The following CEP44 variants were observed in gnomAD, a reference collection of about 807,000 sequenced individuals.
CEP44 encodes centrosomal protein of 44 kDa.
CEP44 carries 45 observed loss-of-function variants against 46.7 expected under a neutral mutation model. The ratio of observed to expected loss-of-function variants is 0.96; its 90% CI spans 0.76 to 1.24. CEP44 has a LOEUF of 1.24. Among genes scored for constraint, CEP44 ranks in the 50% most tolerant of loss-of-function variants. CEP44 has a pLI of 0.00. For missense variants in CEP44, 475 were observed against 459.7 expected (o/e 1.03, Z -0.30); for synonymous variants, 142 against 146.0 (o/e 0.97, Z 0.20).
In CEP44 at chr4:174,310,844, A is replaced by G; in HGVS notation, c.947A>G (p.Asp316Gly). Residue 316 changes from aspartate to glycine, a missense_variant, in exon 9 of 12, where the codon GAC becomes GGC. Asp to Gly is a moderately conservative substitution (Grantham distance 94). Coordinates refer to ENST00000503780, the MANE Select transcript of CEP44 (RefSeq NM_001040157.3). This position sits in a 1 kb window ranked among gnomAD's most constrained non-coding sequence, Gnocchi z 4.2. ...GACTACGCTTCTTGTAGTGACATGGACCTTCTGAATCCTCGTAAGTTTGTA... is the reference window on the plus strand; with the variant it reads ...GACTACGCTTCTTGTAGTGACATGGGCCTTCTGAATCCTCGTAAGTTTGTA... Reference protein sequence around the residue: ...SEDYASCSDMDLLNPHRKSEV... With the variant: ...SEDYASCSDMGLLNPHRKSEV... The G allele has an allele frequency of 4.7e-6, 7 of 1,491,878 alleles. No individual in the cohort carries two copies. Among genetic ancestry groups the G allele is most frequent in the Non-Finnish European group, 6.5e-6 (7 of 1,082,062 alleles). The allele number at this position is 1,491,878 out of a possible 1,614,324, so 92.4% of individuals were successfully genotyped here. A position where few individuals can be genotyped will look rare whatever the true frequency, so the allele number is the denominator to read the frequency against.
At position 174,308,705 on chromosome 4, in the gene CEP44, T is replaced by C. The variant is rs73867207; in HGVS notation, c.524T>C (p.Ile175Thr). 2.9e-4 allele frequency: 465 copies of C among 1,605,226 alleles called. 2 individuals carry two copies. In the African/African-American group the frequency reaches 5.8e-3, roughly 20 times the overall value. ...TCTATGCAGAAGAAAGCTGTGGTGA[T>C]TCGTCACTTGTATAATGAAGATAAT... ...MTSGKKKAVV[I>T]RHLYNEDNVD... Residue 175 changes from isoleucine to threonine, a missense_variant, in exon 7 of 12, where the codon ATT (isoleucine) becomes ACT (threonine). Transcript: ENST00000503780.
At chr4:174,316,437 A>G (rs970233503) in intron 10 of CEP44, 93 bp from the exon 11 acceptor site, 39 of 1,354,484 alleles carry the variant, frequency 2.9e-5, no homozygotes, top group Admixed American at 2.1e-4. Flanking sequence ...ACTTAATGCA[A>G]TGTTTCAAAC....
Position 174,288,412 on chromosome 4 carries a change from T to C in CEP44, c.-148+4469T>C, listed in dbSNP as rs922666326. Among the ~76,000 whole-genome samples, 4 of 152,148 alleles carry C rather than the reference T, an allele frequency of 2.6e-5. No homozygotes were observed. The highest frequency in any genetic ancestry group is 1.3e-4 in the Admixed American group (2 of 15,272). On this transcript the variant is annotated intron_variant, in intron 1 of 11. Transcript: ENST00000503780. This position sits in a 1 kb window ranked among gnomAD's most constrained non-coding sequence, Gnocchi z 4.6. The stretch of plus-strand genomic sequence containing the variant: ...TGCCTAACTGAAACTTTGTACCCTT[T>C]GAACAACAGCTTCCCATTTTGTTCT...
rs1291054879 is a variant in CEP44 at position 174,297,185 on chromosome 4, A to T, written c.-147-781A>T. Reference sequence around the variant, plus strand: ...AATCTCTGGCTCATTTTACATTCTCACAAGCTTAATATTTTTTATATCCTT... The same window carrying T: ...AATCTCTGGCTCATTTTACATTCTCTCAAGCTTAATATTTTTTATATCCTT... On this transcript the variant is annotated intron_variant, in intron 1 of 11. Coordinates refer to ENST00000503780, the MANE Select transcript of CEP44 (RefSeq NM_001040157.3). This position sits in a 1 kb window ranked among gnomAD's most constrained non-coding sequence, Gnocchi z 4.3. 6.6e-6 allele frequency among the ~76,000 whole-genome samples: 1 copy of T among 151,930 alleles called. No individual in the cohort carries two copies. The highest frequency in any genetic ancestry group is 2.4e-5 in the African/African-American group (1 of 41,360).
intron 1 of CEP44, 77 bp downstream of exon 1, chr4:174,284,020 G>A (rs1226403184): frequency 2.5e-6 from 1 of 399,762 alleles, no homozygotes. Flanking sequence ...CAGGCGCCTG[G>A]CTGTAGCGAC....
intron 9 of CEP44, 147 bp from the exon 10 acceptor site, chr4:174,316,019 C>A: frequency 1.1e-6 from 1 of 901,584 alleles, no homozygotes; most frequent in Non-Finnish European, 1.6e-6. Context: ...AAGCTGTTAC[C>A]TTAAGAGTAC....
At position 174,297,651 on chromosome 4, in the gene CEP44, AGTGTGT is replaced by A. The variant is rs70947423; in HGVS notation, c.-147-286_-147-281del. Among the ~76,000 whole-genome samples, 38,007 of 148,982 alleles carry A rather than the reference AGTGTGT, an allele frequency of 0.26. 5,519 individuals carry two copies. Among genetic ancestry groups the A allele is most frequent in the Non-Finnish European group, 0.34 (23,059 of 67,172 alleles). ...CTGAGATATAGGAAGAAACTTTATT[AGTGTGT>A]GTGTGTGTGTGTGTGTGTGTGTGTG... On this transcript the variant is annotated intron_variant, in intron 1 of 11. Coordinates refer to ENST00000503780, the MANE Select transcript of CEP44 (RefSeq NM_001040157.3). The surrounding 1 kb of genome is among the most constrained non-coding windows in gnomAD (Gnocchi z 4.3).
rs2126639290 is a variant in CEP44 at position 174,310,815 on chromosome 4, T to C, written c.918T>C (p.Ser306=). 6.6e-7 allele frequency: 1 copy of C among 1,521,846 alleles called. No homozygotes were observed. The highest frequency in any genetic ancestry group is 1.2e-5 in the South Asian group (1 of 85,030). The allele number at this position is 1,521,846 out of a possible 1,614,324, so 94.3% of individuals were successfully genotyped here. A position where few individuals can be genotyped will look rare whatever the true frequency, so the allele number is the denominator to read the frequency against. The change falls in exon 9 of 12, where the codon AGT becomes AGC. Residue 306 remains serine (S), a synonymous_variant. Coordinates refer to ENST00000503780, the MANE Select transcript of CEP44 (RefSeq NM_001040157.3). The surrounding 1 kb of genome is among the most constrained non-coding windows in gnomAD (Gnocchi z 4.2). The stretch of plus-strand genomic sequence containing the variant: ...AATTTATAGAGTTTAATGAAGTTAG[T>C]GAAGACTACGCTTCTTGTAGTGACA... ...NDEFIEFNEV[S]EDYASCSDMD...
At chr4:174,291,791 T>TC (rs1387446398) in intron 1 of CEP44, among the ~76,000 whole-genome samples, 3 of 117,470 alleles carry the variant, frequency 2.6e-5, no homozygotes, top group Non-Finnish European at 3.5e-5. Context: ...TCTTTTCTTT[T>TC]TTTTTTTTTT....
rs578223454 is a variant in CEP44, at chr4:174,327,072, T to C, written c.1087-4410T>C. Among the ~76,000 whole-genome samples, 11 of 150,990 alleles carry C rather than the reference T, an allele frequency of 7.3e-5. No homozygotes were observed. In the East Asian group the frequency reaches 2.1e-3, roughly 29 times the overall value. On this transcript the variant is annotated intron_variant, in intron 8 of 8. Transcript: ENST00000426172. ...TCAATATATCCAAACCAATTTTACTTCTAGATAGGAGCCATAAGTGGACAT... is the reference window on the plus strand; with the variant it reads ...TCAATATATCCAAACCAATTTTACTCCTAGATAGGAGCCATAAGTGGACAT...
In CEP44 at chr4:174,309,919, A is replaced by C; in HGVS notation, c.748A>C (p.Lys250Gln). 3 of 1,612,730 alleles carry C rather than the reference A, an allele frequency of 1.9e-6. No individual in the cohort carries two copies. Among genetic ancestry groups the C allele is most frequent in the Non-Finnish European group, 2.5e-6 (3 of 1,179,172 alleles). Residue 250 changes from lysine (K) to glutamine (Q), a missense_variant, in exon 8 of 12, where the codon AAA (lysine) becomes CAA (glutamine). By Grantham distance (53) the Lys-to-Gln change is moderately conservative. Coordinates refer to ENST00000503780, the MANE Select transcript of CEP44 (RefSeq NM_001040157.3). The surrounding 1 kb of genome is among the most constrained non-coding windows in gnomAD (Gnocchi z 5.3). ...TGCTGAATGCCAAGAAAATCTTAAG[A>C]AACTGACTTCGATAGAGAAAAGGTT... is the stretch of plus-strand genomic sequence containing the variant. ...MLAECQENLK[K>Q]LTSIEKRLDC...
rs1731181481 is a variant in CEP44, at chr4:174,329,199, C to T, written c.1087-2283C>T. ...CTCCTGGCCTCAAGCAATCTTCCTA[C>T]CTCATCCTCTGAAAGTGTTGAGATT... is the stretch of plus-strand genomic sequence containing the variant. On this transcript the variant is annotated intron_variant, in intron 8 of 8. Transcript: ENST00000426172. This position sits in a 1 kb window ranked among gnomAD's most constrained non-coding sequence, Gnocchi z 4.0. 1.3e-5 allele frequency among the ~76,000 whole-genome samples: 2 copies of T among 152,186 alleles called. No individual in the cohort carries two copies. The highest frequency in any genetic ancestry group is 6.5e-5 in the Admixed American group (1 of 15,280).
At chr4:174,292,676 T>A (rs1468095479) in intron 1 of CEP44, among the ~76,000 whole-genome samples, 1 of 152,206 alleles carries the variant, frequency 6.6e-6, no homozygotes, top group Non-Finnish European at 1.5e-5. Context: ...ATTTTTTAGT[T>A]CAGTCATTGT....
intron 1 of CEP44, among the ~76,000 whole-genome samples, chr4:174,294,533 TG>T (rs1390604066): frequency 6.6e-6 from 1 of 151,662 alleles, no homozygotes; most frequent in Non-Finnish European, 1.5e-5. Context: ...ATTGTCATCA[TG>T]GCCCGTTCTC....
At chr4:174,313,118 A>AGG (rs1320777074) in intron 9 of CEP44, among the ~76,000 whole-genome samples, 1 of 152,062 alleles carries the variant, frequency 6.6e-6, no homozygotes, top group African/African-American at 2.4e-5. Flanking sequence ...ATGTTAGGCA[A>AGG]GGGGGGCTAT....
Position 174,316,285 on chromosome 4 carries a change from T to A in CEP44, c.1081T>A (p.Ser361Thr). 1 of 1,610,184 alleles carries A rather than the reference T, an allele frequency of 6.2e-7. No individual in the cohort carries two copies. The highest frequency in any genetic ancestry group is 8.5e-7 in the Non-Finnish European group (1 of 1,176,634). The change falls in exon 10 of 12, where the codon TCA becomes ACA. Residue 361 changes from serine to threonine, a missense_variant. By Grantham distance (58) the Ser-to-Thr change is moderately conservative. Coordinates refer to ENST00000503780, the MANE Select transcript of CEP44 (RefSeq NM_001040157.3). The part of the protein sequence containing the change: ...TVNYCGLNEI[S>T]EETTIQKMER... ...TAATTACTGTGGTTTGAATGAGATTTCAGAGGTAAGAAAATGCTTAGATTA... is the reference window on the plus strand; with the variant it reads ...TAATTACTGTGGTTTGAATGAGATTACAGAGGTAAGAAAATGCTTAGATTA...
Position 174,317,667 on chromosome 4 carries a change from G to T in CEP44, c.*284G>T. On this transcript the variant is annotated 3_prime_UTR_variant, in exon 12 of 12. Coordinates refer to ENST00000503780, the MANE Select transcript of CEP44 (RefSeq NM_001040157.3). Reference sequence around the variant, plus strand: ...AGTCATTACAGCACTGTATTTCTGTGTTGACATTTGTTGGCAGTGTGCTAA... The same window carrying T: ...AGTCATTACAGCACTGTATTTCTGTTTTGACATTTGTTGGCAGTGTGCTAA... The T allele has an allele frequency of 2.0e-6, 2 of 1,014,808 alleles. No homozygotes were observed. Among genetic ancestry groups the T allele is most frequent in the Non-Finnish European group, 2.4e-6 (2 of 848,934 alleles). The allele number at this position is 1,014,808 out of a possible 1,614,324, so 62.9% of individuals were successfully genotyped here.
Position 174,309,585 on chromosome 4 carries a change from A to G in CEP44, c.679-265A>G, listed in dbSNP as rs538630485. Among the ~76,000 whole-genome samples, 29 of 151,916 alleles carry G rather than the reference A, an allele frequency of 1.9e-4. No homozygotes were observed. The highest frequency in any genetic ancestry group is 1.2e-3 in the Admixed American group (18 of 15,210). On this transcript the variant is annotated intron_variant, in intron 7 of 11. Coordinates refer to ENST00000503780, the MANE Select transcript of CEP44 (RefSeq NM_001040157.3). This position sits in a 1 kb window ranked among gnomAD's most constrained non-coding sequence, Gnocchi z 5.3. ...TAGCTGGTATTAAGAGAATCATGCA[A>G]ATTAACTCATTATCAGAAGAATCAT... is the stretch of plus-strand genomic sequence containing the variant.
At position 174,326,966 on chromosome 4, in the gene CEP44, A is replaced by G; in HGVS notation, c.1087-4516A>G. Among the ~76,000 whole-genome samples the G allele has an allele frequency of 6.6e-6, 1 of 151,866 alleles. No individual in the cohort carries two copies. The highest frequency in any genetic ancestry group is 1.5e-5 in the Non-Finnish European group (1 of 67,908). On this transcript the variant is annotated intron_variant, in intron 8 of 8. Coordinates refer to the CEP44 transcript ENST00000426172. The surrounding 1 kb of genome is among the most constrained non-coding windows in gnomAD (Gnocchi z 4.8). ...ATTACCACTGATTTTCAGCAATTAG[A>G]AGAGCTATGTAGAAAAACCAAAATA...
Sources: allele counts gnomAD v4.1 joint callset (sites outside exome capture counted in the v4.1 genomes callset), GRCh38; gene constraint gnomAD v4.1.1; non-coding constraint Gnocchi (gnomAD v3.1); transcripts MANE v1.5; gene names NCBI Gene and HGNC (gene_info 2026-07-23, HGNC 2026-07-21).